Variants in IPO13 observed in about 807,000 individuals in gnomAD.
IPO13 encodes the protein importin 13.
In IPO13, 28 loss-of-function variants were observed where a neutral mutation model predicts 115.5. The observed-to-expected ratio is 0.24, with a 90% CI of 0.18 to 0.33. IPO13 has a LOEUF of 0.33. IPO13 is among the 10% of genes least tolerant of loss of function. The pLI, the probability that IPO13 is intolerant of heterozygous loss-of-function variation, is 1.00. For missense variants in IPO13, 785 were observed against 1,204.6 expected, an observed-to-expected ratio of 0.65 and a Z score of 5.16; for synonymous variants, 414 against 478.9, an observed-to-expected ratio of 0.86 and a Z score of 1.77.
Position 43,955,145 on chromosome 1 carries a change from G to A in IPO13, c.822-1175G>A, listed in dbSNP as rs375297678. 2.6e-4 allele frequency among the ~76,000 whole-genome samples: 39 copies of A among 152,242 alleles called. 4 individuals are homozygous for A. Among genetic ancestry groups the A allele is most frequent in the Admixed American group, 1.4e-3 (22 of 15,296 alleles). On this transcript the variant is annotated intron_variant, in intron 2 of 19. Coordinates refer to ENST00000372343, the MANE Select transcript of IPO13 (RefSeq NM_014652.4). ...CCTCTTAGCTCTCTCTGAGTTCATT[G>A]TCTACTTCTCTTCCTCCCTGCTGCC...
chr1:43,951,837 G>C (rs1410838471), intron 2 of IPO13, among the ~76,000 whole-genome samples: 1 of 152,140 alleles, frequency 6.6e-6, no homozygotes, highest in Non-Finnish European at 1.5e-5. Context: ...ATCTAAGTTT[G>C]AATCCCAGAT....
chr1:43,967,881 A>G lies in IPO13; in HGVS notation c.*199A>G, dbSNP rs943302076. The G allele has an allele frequency of 1.8e-5, 11 of 612,322 alleles. No homozygotes were observed. Among genetic ancestry groups the G allele is most frequent in the African/African-American group, 1.7e-4 (9 of 54,318 alleles). The allele number at this position is 612,322 out of a possible 1,614,324, so 37.9% of individuals were successfully genotyped here. On this transcript the variant is annotated 3_prime_UTR_variant, in exon 20 of 20. Transcript: ENST00000372343. The surrounding 1 kb of genome is among the most constrained non-coding windows in gnomAD (Gnocchi z 6.1). ...GGAGGGAATGGTGGGAACATCCTCT[A>G]GCTCCCAGGTTGGAAGAGATACTAC...
At chr1:43,957,902 T>G in intron 7 of IPO13, 75 bp from the exon 8 acceptor site, 1 of 1,439,134 alleles carries the variant, frequency 6.9e-7, no homozygotes, top group Non-Finnish European at 9.7e-7. Context: ...CCAGGAACTC[T>G]GCTTGCCTCA....
chr1:43,954,248 C>T (rs184649335), intron 2 of IPO13, among the ~76,000 whole-genome samples: 224 of 152,292 alleles, frequency 1.5e-3, no homozygotes, highest in African/African-American at 5.0e-3. Context: ...TGGTGCAGCC[C>T]GTGTCAGGGT....
At chr1:43,949,231 G>A (rs577633007) in intron 1 of IPO13, 186 bp from the exon 2 acceptor site, 1 of 600,312 alleles carries the variant, frequency 1.7e-6, no homozygotes, top group East Asian at 2.8e-5. Flanking sequence ...CATGGGCAAG[G>A]TTCAGGCTCT....
Position 43,966,492 on chromosome 1 carries a change from T to G in IPO13, c.2398-83T>G. The G allele has an allele frequency of 2.8e-6, 4 of 1,409,548 alleles. No homozygotes were observed. Among genetic ancestry groups the G allele is most frequent in the Non-Finnish European group, 3.0e-6 (3 of 999,766 alleles). 87.3% of individuals were successfully genotyped at this position (1,409,548 alleles called of 1,614,324 possible). A position where few individuals can be genotyped will look rare whatever the true frequency, so the allele number is the denominator to read the frequency against. ...CAGCCTCTACCTGTGAGGTGTGAAG[T>G]TGGGGGCTGGGGTGGCAGGTGAGTG... On this transcript the variant is annotated intron_variant, in intron 15 of 19. Coordinates refer to ENST00000372343, the MANE Select transcript of IPO13 (RefSeq NM_014652.4). This position sits in a 1 kb window ranked among gnomAD's most constrained non-coding sequence, Gnocchi z 4.1.
intron 12 of IPO13, 29 bp from the exon 13 acceptor site, chr1:43,960,847 G>A (rs140316518): frequency 6.2e-7 from 1 of 1,612,990 alleles, no homozygotes; most frequent in Non-Finnish European, 8.5e-7. Flanking sequence ...ATGACCTGCT[G>A]ACCAGGGCCC....
Position 43,950,091 on chromosome 1 carries a change from G to A in IPO13, c.759G>A (p.Ser253=), listed in dbSNP as rs761023301. The A allele has an allele frequency of 1.1e-5, 17 of 1,613,776 alleles. No individual in the cohort carries two copies. Among genetic ancestry groups the A allele is most frequent in the East Asian group, 2.2e-5 (1 of 44,884 alleles). ...CTGCCTTTGCTGCTCTGCAGGACTC[G>A]GAGCTCTTCGACAGCAGTGTGGAGG... ...IQAAFAALQD[S]ELFDSSVEAI... The change falls in exon 2 of 20, where the codon TCG becomes TCA. Residue 253 remains serine, a synonymous_variant. Transcript: ENST00000372343.
At position 43,967,401 on chromosome 1, in the gene IPO13, G is replaced by A. The variant is rs1204885561; in HGVS notation, c.2700G>A (p.Leu900=). The change falls in exon 19 of 20, where the codon CTG becomes CTA. Residue 900 remains leucine (L), a synonymous_variant. Coordinates refer to ENST00000372343, the MANE Select transcript of IPO13 (RefSeq NM_014652.4). The surrounding 1 kb of genome is among the most constrained non-coding windows in gnomAD (Gnocchi z 6.1). ...FALNKHCFSL[L]SMWIKEALQP... The stretch of plus-strand genomic sequence containing the variant: ...TGAACAAGCACTGCTTCAGCCTCCT[G>A]AGCATGTGGATCAAGGAGGCCCTGC... The A allele has an allele frequency of 3.7e-6, 6 of 1,614,044 alleles. No homozygotes were observed. Among genetic ancestry groups the A allele is most frequent in the Middle Eastern group, 1.6e-4 (1 of 6,084 alleles).
In IPO13 at chr1:43,967,164, T is replaced by G; in HGVS notation, c.2613+145T>G. 9.1e-7 allele frequency: 1 copy of G among 1,095,330 alleles called. No homozygotes were observed. Among genetic ancestry groups the G allele is most frequent in the East Asian group, 2.4e-5 (1 of 41,992 alleles). 67.9% of individuals were successfully genotyped at this position (1,095,330 alleles called of 1,614,324 possible). A position where few individuals can be genotyped will look rare whatever the true frequency, so the allele number is the denominator to read the frequency against. On this transcript the variant is annotated intron_variant, in intron 18 of 19. Coordinates refer to ENST00000372343, the MANE Select transcript of IPO13 (RefSeq NM_014652.4). This position sits in a 1 kb window ranked among gnomAD's most constrained non-coding sequence, Gnocchi z 6.1. ...ATTAAATGCCTGAAAGTTGTTAGGA[T>G]TGCTGTGGGGATCAGCTGGCTCTCA...
intron 1 of IPO13, 73 bp downstream of exon 1, chr1:43,947,757 C>A: frequency 1.1e-6 from 1 of 908,868 alleles, no homozygotes; most frequent in Non-Finnish European, 1.5e-6. Flanking sequence ...TGGCAGAGCT[C>A]AGGCCTGGGC....
At chr1:43,959,937 G>T (rs1190375952) in intron 11 of IPO13, among the ~76,000 whole-genome samples, 1 of 152,208 alleles carries the variant, frequency 6.6e-6, no homozygotes, top group Non-Finnish European at 1.5e-5. Flanking sequence ...GTTTTACAGA[G>T]CAGAGATAGG....
intron 12 of IPO13, 54 bp from the exon 13 acceptor site, chr1:43,960,822 C>G: frequency 6.2e-7 from 1 of 1,606,302 alleles, no homozygotes; most frequent in Non-Finnish European, 8.5e-7. Context: ...GGCTTCAGCG[C>G]TGTTCCAGCC....
At chr1:43,953,926 C>G (rs2085226007) in intron 2 of IPO13, among the ~76,000 whole-genome samples, 1 of 152,164 alleles carries the variant, frequency 6.6e-6, no homozygotes, top group Non-Finnish European at 1.5e-5. Flanking sequence ...CAGTTTCAAC[C>G]TGGATTCTGC....
At chr1:43,951,644 A>G (rs140963420) in intron 2 of IPO13, among the ~76,000 whole-genome samples, 114 of 152,374 alleles carry the variant, frequency 7.5e-4, no homozygotes, top group African/African-American at 2.5e-3. Flanking sequence ...AAGGATTATA[A>G]GCAGAGAAAA....
At chr1:43,961,535 G>A (rs1023543900) in intron 14 of IPO13, among the ~76,000 whole-genome samples, 1 of 152,174 alleles carries the variant, frequency 6.6e-6, no homozygotes, top group African/African-American at 2.4e-5. Flanking sequence ...GAGGTGGGCA[G>A]AGGCTCTGAG....
In IPO13 at chr1:43,958,157, A is replaced by C; in HGVS notation, c.1721A>C (p.Gln574Pro). 6.2e-7 allele frequency: 1 copy of C among 1,614,174 alleles called. No homozygotes were observed. The highest frequency in any genetic ancestry group is 8.5e-7 in the Non-Finnish European group (1 of 1,180,030). Residue 574 changes from glutamine to proline, a missense_variant and splice_region_variant, in exon 8 of 20, where the codon CAG becomes CCG. Transcript: ENST00000372343. This position sits in a 1 kb window ranked among gnomAD's most constrained non-coding sequence, Gnocchi z 6.3. Reference sequence around the variant, plus strand: ...GCTGCCAACATTGTGGCTGTGTCCCAGGTATGCAGGGGCCCTGGATGGTGC... The same window carrying C: ...GCTGCCAACATTGTGGCTGTGTCCCCGGTATGCAGGGGCCCTGGATGGTGC... ...PYAANIVAVS[Q>P]DVLMKQIHKT...
rs2085326429 is a variant in IPO13, at chr1:43,966,578, C to G, written c.2401C>G (p.Leu801Val). 6.2e-7 allele frequency: 1 copy of G among 1,613,942 alleles called. No individual in the cohort carries two copies. Among genetic ancestry groups the G allele is most frequent in the Non-Finnish European group, 8.5e-7 (1 of 1,179,998 alleles). ...TTACCAGCTCCACCTCCTGCAGGCT[C>G]TGAAGCGGAAGCCAGATTTGTTCCT... ...DSFMQLLAQALKRKPDLFLCE... is the reference protein window; with the variant it reads ...DSFMQLLAQAVKRKPDLFLCE... Residue 801 changes from leucine to valine, a missense_variant, in exon 16 of 20, where the codon CTG becomes GTG. Transcript: ENST00000372343. This position sits in a 1 kb window ranked among gnomAD's most constrained non-coding sequence, Gnocchi z 4.1.
chr1:43,967,202 C>T lies in IPO13; in HGVS notation c.2614-113C>T. ...CAGCTGGCTCTCAAAAAGCAGCGCTCACTGTGATGTGCAGTTTGGCTTAGG... is the reference window on the plus strand; with the variant it reads ...CAGCTGGCTCTCAAAAAGCAGCGCTTACTGTGATGTGCAGTTTGGCTTAGG... On this transcript the variant is annotated intron_variant, in intron 18 of 19. Coordinates refer to ENST00000372343, the MANE Select transcript of IPO13 (RefSeq NM_014652.4). This position sits in a 1 kb window ranked among gnomAD's most constrained non-coding sequence, Gnocchi z 6.1. 1.6e-6 allele frequency: 2 copies of T among 1,223,138 alleles called. No individual in the cohort carries two copies. The highest frequency in any genetic ancestry group is 2.7e-5 in the South Asian group (2 of 74,818). 75.8% of individuals were successfully genotyped at this position (1,223,138 alleles called of 1,614,324 possible).
Sources: gnomAD v4.1 joint callset for allele counts (sites outside exome capture counted in the v4.1 genomes callset) on GRCh38, gnomAD v4.1.1 for gene constraint, Gnocchi (gnomAD v3.1) non-coding constraint, MANE v1.5 for transcripts, NCBI Gene and HGNC (gene_info 2026-07-23, HGNC 2026-07-21) for gene names.